Variants in CDH11 observed in about 807,000 individuals in gnomAD.
CDH11 encodes the protein cadherin 11.
A neutral mutation model predicts 67.8 loss-of-function variants in CDH11; 11 were observed. The ratio of observed to expected loss-of-function variants is 0.16; its 90% CI spans 0.10 to 0.27. CDH11 has a LOEUF of 0.27. CDH11 is among the 10% of genes least tolerant of loss of function. The pLI is 1.00. For synonymous variants in CDH11, 419 were observed against 400.0 expected (o/e 1.05, Z -0.57); for missense variants, 847 against 1,031.2 (o/e 0.82, Z 2.45).
intron 4 of CDH11, among the ~76,000 whole-genome samples, chr16:64,997,336 T>TAAATAAATAAAC (rs1219212188): frequency 1.2e-4 from 15 of 120,052 alleles, no homozygotes; most frequent in African/African-American, 2.8e-4. Context: ...AATAAATAAA[T>TAAATAAATAAAC]AAACAAACCT....
intron 2 of CDH11, among the ~76,000 whole-genome samples, chr16:65,014,699 C>T (rs539544629): frequency 2.6e-5 from 4 of 151,400 alleles, no homozygotes; most frequent in East Asian, 1.9e-4. Flanking sequence ...GAAAAAGGGG[C>T]CATTCTTGAA....
Position 65,004,734 on chromosome 16 carries a change from G to T in CDH11, c.136C>A (p.Gln46Lys), listed in dbSNP as rs1805853589. 6.2e-7 allele frequency: 1 copy of T among 1,613,840 alleles called. No homozygotes were observed. The highest frequency in any genetic ancestry group is 8.5e-7 in the Non-Finnish European group (1 of 1,179,984). ...CCACGCTTGGAGCGCTGTAGCACCT[G>T]CCCCTCCTTGCCCTTCTCATGGTGC... ...HGHHEKGKEG[Q>K]VLQRSKRGWV... The change falls in exon 3 of 13, where the codon CAG (glutamine) becomes AAG (lysine). Residue 46 changes from glutamine (Q) to lysine (K), a missense_variant. Physicochemically the swap from Gln to Lys is moderately conservative, Grantham distance 53. Around this residue, in one of 2 missense-constraint regions of CDH11, gnomAD observed 235 missense variants for 352.5 expected, o/e 0.67. Coordinates refer to ENST00000268603, the MANE Select transcript of CDH11 (RefSeq NM_001797.4).
At chr16:64,995,404 A>G (rs1243928978) in intron 4 of CDH11, among the ~76,000 whole-genome samples, 4 of 152,216 alleles carry the variant, frequency 2.6e-5, no homozygotes, top group Non-Finnish European at 5.9e-5. Flanking sequence ...CACATAGACC[A>G]GTGGAACAGA....
chr16:65,104,068 A>T (rs2075032403), intron 1 of CDH11, among the ~76,000 whole-genome samples: 1 of 152,196 alleles, frequency 6.6e-6, no homozygotes, highest in African/African-American at 2.4e-5. Context: ...AATTACAATT[A>T]TAAACATATA....
At chr16:65,063,103 C>T (rs567494424) in intron 1 of CDH11, among the ~76,000 whole-genome samples, 7 of 152,184 alleles carry the variant, frequency 4.6e-5, no homozygotes, top group African/African-American at 1.2e-4. Flanking sequence ...TTGAAGAATG[C>T]GAAAAATCAT....
At position 65,027,298 on chromosome 16, in the gene CDH11, T is replaced by C. The variant is rs570879876; in HGVS notation, c.-172-22257A>G. On this transcript the variant is annotated intron_variant, in intron 2 of 12. Coordinates refer to ENST00000268603, the MANE Select transcript of CDH11 (RefSeq NM_001797.4). ...ACTTTGCTCCATTTTTAGAGCACCA[T>C]TGTAACAAAGCCCAGCTGGATGTCT... is the stretch of plus-strand genomic sequence containing the variant. Among the ~76,000 whole-genome samples the C allele has an allele frequency of 1.8e-4, 28 of 152,324 alleles. No homozygotes were observed. The East Asian group carries it at 4.1e-3, about 22-fold the overall frequency.
chr16:64,993,507 C>T (rs889642130), intron 4 of CDH11, among the ~76,000 whole-genome samples: 4 of 152,084 alleles, frequency 2.6e-5, no homozygotes, highest in African/African-American at 7.2e-5. Flanking sequence ...TGTTGCTTTG[C>T]ATGTAATAAA....
chr16:65,117,027 C>T (rs960713479), intron 1 of CDH11, among the ~76,000 whole-genome samples: 2 of 152,200 alleles, frequency 1.3e-5, no homozygotes, highest in African/African-American at 4.8e-5. Context: ...AATTTTGCCT[C>T]CAGTTCAAAC....
chr16:64,959,788 G>A (rs984780843), intron 11 of CDH11, among the ~76,000 whole-genome samples: 8 of 152,102 alleles, frequency 5.3e-5, no homozygotes, highest in Non-Finnish European at 7.4e-5. Context: ...TTATGAAAGT[G>A]AAAAATCAGA....
intron 2 of CDH11, among the ~76,000 whole-genome samples, chr16:65,037,687 G>C (rs982841966): frequency 6.6e-6 from 1 of 152,086 alleles, no homozygotes; most frequent in Non-Finnish European, 1.5e-5. Context: ...CCTTGGGACC[G>C]TCCGCATCCC....
At chr16:65,041,152 C>G (rs571230125) in intron 2 of CDH11, among the ~76,000 whole-genome samples, 1 of 152,214 alleles carries the variant, frequency 6.6e-6, no homozygotes, top group East Asian at 1.9e-4. Flanking sequence ...GGATTGACAC[C>G]TGACATCTTC....
intron 11 of CDH11, among the ~76,000 whole-genome samples, chr16:64,969,609 G>GA (rs955474542): frequency 6.6e-6 from 1 of 152,158 alleles, no homozygotes; most frequent in Non-Finnish European, 1.5e-5. Flanking sequence ...AGCCTAAGCT[G>GA]AAAAAATATA....
At chr16:65,033,237 A>C (rs1458740207) in intron 2 of CDH11, among the ~76,000 whole-genome samples, 1 of 139,518 alleles carries the variant, frequency 7.2e-6, no homozygotes, top group Non-Finnish European at 1.5e-5. Flanking sequence ...AAACTAGGAA[A>C]ACACACACAC....
intron 11 of CDH11, among the ~76,000 whole-genome samples, chr16:64,965,123 C>G (rs929902149): frequency 7.0e-6 from 1 of 142,464 alleles, no homozygotes; most frequent in African/African-American, 2.6e-5. Flanking sequence ...CTTTGGGAGG[C>G]TGAGGCAGGT....
Position 64,998,601 on chromosome 16 carries a change from C to T in CDH11, c.484G>A (p.Glu162Lys), listed in dbSNP as rs868248780. The part of the protein sequence containing the change: ...INDNPPEFLH[E>K]TYHANVPERS... ...TCAGGCACGTTGGCATGATAGGTCT[C>T]GTGCAGGAACTCCGGAGGGTTGTCA... The change falls in exon 4 of 13, where the codon GAG becomes AAG. Residue 162 changes from glutamate (E) to lysine (K), a missense_variant. By Grantham distance (56) the Glu-to-Lys change is moderately conservative. Transcript: ENST00000268603. The T allele has an allele frequency of 1.2e-5, 20 of 1,613,932 alleles. No homozygotes were observed. Among genetic ancestry groups the T allele is most frequent in the Non-Finnish European group, 1.5e-5 (18 of 1,180,026 alleles).
At chr16:65,019,182 G>C (rs2142571753) in intron 2 of CDH11, among the ~76,000 whole-genome samples, 1 of 152,170 alleles carries the variant, frequency 6.6e-6, no homozygotes, top group South Asian at 2.1e-4. Context: ...TTGGACTTTA[G>C]GAGACTTAGT....
At chr16:64,952,661 T>TACACACAC (rs1201716104) in intron 11 of CDH11, among the ~76,000 whole-genome samples, 1 of 138,562 alleles carries the variant, frequency 7.2e-6, no homozygotes, top group Non-Finnish European at 1.7e-5. Context: ...CATACACACA[T>TACACACAC]ACACACACAC....
intron 3 of CDH11, 28 bp downstream of exon 3, chr16:65,004,614 G>A (rs1029672238): frequency 6.3e-7 from 1 of 1,599,414 alleles, no homozygotes; most frequent in Non-Finnish European, 8.5e-7. Flanking sequence ...GGGTTGGAAA[G>A]CTCAGGATTG....
chr16:65,010,937 C>CATATATATGTGTGACATATAT (rs1567526717), intron 2 of CDH11, among the ~76,000 whole-genome samples: 1 of 132,850 alleles, frequency 7.5e-6, no homozygotes, highest in Non-Finnish European at 1.6e-5. Context: ...ACCACAACTG[C>CATATATATGTGTGACATATAT]ATATATATGT....
Sources: allele counts gnomAD v4.1 joint callset (sites outside exome capture counted in the v4.1 genomes callset), GRCh38; gene constraint gnomAD v4.1.1; regional missense constraint gnomAD v4.1.1; transcripts MANE v1.5; gene names NCBI Gene and HGNC (gene_info 2026-07-23, HGNC 2026-07-21).